Variants in GALNT13 observed in about 807,000 individuals in gnomAD.
The protein encoded by GALNT13 is UDP-GalNAc:polypeptide N-acetylgalactosaminyltransferase 13.
In GALNT13, 28 loss-of-function variants were observed where a neutral mutation model predicts 64.2. That is an observed-to-expected ratio of 0.44 (90% CI 0.32 to 0.60). GALNT13 has a LOEUF of 0.60. Among genes scored for constraint, GALNT13 ranks in the 20% least tolerant of loss-of-function variants. The pLI, the probability that GALNT13 is intolerant of heterozygous loss-of-function variation, is 0.05. For synonymous variants in GALNT13, 214 were observed against 224.6 expected, an observed-to-expected ratio of 0.95 and a Z score of 0.42; for missense variants, 577 against 669.8, an observed-to-expected ratio of 0.86 and a Z score of 1.53.
intron 4 of GALNT13, among the ~76,000 whole-genome samples, chr2:154,185,187 G>T (rs1022911186): frequency 6.6e-6 from 1 of 152,068 alleles, no homozygotes; most frequent in African/African-American, 2.4e-5. Context: ...GACCTGACAT[G>T]CAGAGTGTTG....
chr2:153,347,763 G>A, the GALNT13 span, among the ~76,000 whole-genome samples: 1 of 152,146 alleles, frequency 6.6e-6, no homozygotes, highest in East Asian at 1.9e-4. Flanking sequence ...GTCTAATGCT[G>A]GGTGGAAAGT....
At chr2:153,311,452 A>C in the GALNT13 span, among the ~76,000 whole-genome samples, 1 of 152,242 alleles carries the variant, frequency 6.6e-6, no homozygotes, top group South Asian at 2.1e-4. Flanking sequence ...AGCTTAAAAC[A>C]ACAAACGTTT....
At chr2:153,999,804 T>C (rs1300539571) in intron 3 of GALNT13, among the ~76,000 whole-genome samples, 1 of 152,096 alleles carries the variant, frequency 6.6e-6, no homozygotes, top group Non-Finnish European at 1.5e-5. Flanking sequence ...TGTCTGGTTT[T>C]GGTATCAGGG....
At chr2:153,336,321 AG>A in the GALNT13 span, among the ~76,000 whole-genome samples, 1 of 152,264 alleles carries the variant, frequency 6.6e-6, no homozygotes, top group African/African-American at 2.4e-5. Flanking sequence ...GAAAAGCTGC[AG>A]ATGCTCAATG....
intron 4 of GALNT13, among the ~76,000 whole-genome samples, chr2:154,216,562 G>T (rs1396381721): frequency 2.0e-5 from 3 of 151,926 alleles, no homozygotes; most frequent in Non-Finnish European, 4.4e-5. Flanking sequence ...TTCAGATATT[G>T]CCCATCTTTT....
At chr2:153,531,470 C>A in the GALNT13 span, among the ~76,000 whole-genome samples, 1 of 152,146 alleles carries the variant, frequency 6.6e-6, no homozygotes, top group African/African-American at 2.4e-5. Context: ...CACCTCCCAC[C>A]AGTCTCCACC....
intron 11 of GALNT13, among the ~76,000 whole-genome samples, chr2:154,413,550 C>T (rs1249073073): frequency 6.6e-6 from 1 of 151,948 alleles, no homozygotes; most frequent in African/African-American, 2.4e-5. Flanking sequence ...ATTGTATCCC[C>T]ATCTGGTTTT....
At chr2:153,732,712 A>G in the GALNT13 span, among the ~76,000 whole-genome samples, 4 of 152,108 alleles carry the variant, frequency 2.6e-5, no homozygotes, top group Non-Finnish European at 4.4e-5. Flanking sequence ...TACAGAAACT[A>G]TGATTGCTTA....
the GALNT13 span, chr2:153,592,979 C>T: frequency 2.0e-5 from 3 of 152,210 alleles, no homozygotes; most frequent in Admixed American, 6.6e-5. Context: ...CACAAAGATC[C>T]GTCAGGAGGG....
At chr2:153,972,440 A>G (rs1257981299) in intron 3 of GALNT13, among the ~76,000 whole-genome samples, 2 of 152,120 alleles carry the variant, frequency 1.3e-5, no homozygotes, top group African/African-American at 4.8e-5. Flanking sequence ...AGGATAAACA[A>G]TTTATAGTTC....
chr2:153,364,600 C>A, the GALNT13 span, among the ~76,000 whole-genome samples: 4 of 152,084 alleles, frequency 2.6e-5, no homozygotes, highest in Non-Finnish European at 4.4e-5. Context: ...AATAGACAAG[C>A]AGAGAGCCAA....
chr2:153,864,131 T>G, the GALNT13 span, among the ~76,000 whole-genome samples: 8 of 152,206 alleles, frequency 5.3e-5, no homozygotes, highest in Non-Finnish European at 1.2e-4. Flanking sequence ...TTTAGTTACT[T>G]TTCTCTGTCA....
chr2:154,143,860 CAAAAAAAAA>C (rs34582475), intron 4 of GALNT13, among the ~76,000 whole-genome samples: 2 of 58,904 alleles, frequency 3.4e-5, no homozygotes, highest in African/African-American at 8.9e-5. Flanking sequence ...GACTCTGTCT[CAAAAAAAAA>C]AAAAAAAAAA....
At chr2:154,162,974 AT>A (rs199932056) in intron 4 of GALNT13, among the ~76,000 whole-genome samples, 3,333 of 140,728 alleles carry the variant, frequency 0.024, 70 homozygotes, top group African/African-American at 0.067. Flanking sequence ...TTATTTTTCT[AT>A]TTTTTTTTTT....
At chr2:154,309,634 G>A (rs1375950439) in intron 9 of GALNT13, among the ~76,000 whole-genome samples, 1 of 152,070 alleles carries the variant, frequency 6.6e-6, no homozygotes, top group African/African-American at 2.4e-5. Flanking sequence ...CCATGAGATG[G>A]CTTTAATCTA....
the GALNT13 span, among the ~76,000 whole-genome samples, chr2:153,087,165 A>T: frequency 6.6e-6 from 1 of 152,054 alleles, no homozygotes; most frequent in Non-Finnish European, 1.5e-5. Context: ...TTCTATGCCA[A>T]TATTGCTGAG....
chr2:154,193,940 C>CATATTTTCTCAA, intron 4 of GALNT13, among the ~76,000 whole-genome samples: 1 of 152,046 alleles, frequency 6.6e-6, no homozygotes, highest in African/African-American at 2.4e-5. Flanking sequence ...TCCTGTAAAC[C>CATATTTTCTCAA]AAGTTGAATA....
chr2:153,449,296 T>C, the GALNT13 span, among the ~76,000 whole-genome samples: 5 of 152,210 alleles, frequency 3.3e-5, no homozygotes, highest in Non-Finnish European at 5.9e-5. Flanking sequence ...GGTCAACAGT[T>C]TGAGGACAGG....
rs1032362811 is a variant in GALNT13, at chr2:154,453,661, T to A, written c.*3110T>A. On this transcript the variant is annotated 3_prime_UTR_variant, in exon 13 of 13. Coordinates refer to ENST00000392825, the MANE Select transcript of GALNT13 (RefSeq NM_052917.4). ...CCCATCACATGCCCTAGAAGGTAAG[T>A]CCCATGAAGGCAGGGGCTTTGTCAG... The A allele has an allele frequency of 2.6e-5, 4 of 152,118 alleles. No homozygotes were observed. Among genetic ancestry groups the A allele is most frequent in the African/African-American group, 9.7e-5 (4 of 41,430 alleles). The allele number at this position is 152,118 out of a possible 1,614,324, so 9.4% of individuals were successfully genotyped here.
Sources: allele counts gnomAD v4.1 joint callset (sites outside exome capture counted in the v4.1 genomes callset), GRCh38; gene constraint gnomAD v4.1.1; transcripts MANE v1.5; gene names NCBI Gene and HGNC (gene_info 2026-07-23, HGNC 2026-07-21).